The following DOK6 variants were observed in gnomAD, a reference collection of about 807,000 sequenced individuals.
DOK6 encodes the protein docking protein 6, also known as downstream of tyrosine kinase 6.
A neutral mutation model predicts 44.0 loss-of-function variants in DOK6; 22 were observed. The ratio of observed to expected loss-of-function variants is 0.50; its 90% CI spans 0.36 to 0.71. DOK6 has a LOEUF of 0.71. Ranked by LOEUF, DOK6 falls within the 30% of genes least tolerant of loss-of-function variation. The pLI is 0.00. For missense variants in DOK6, 340 were observed against 416.4 expected, an observed-to-expected ratio of 0.82 and a Z score of 1.60; for synonymous variants, 166 against 145.5, an observed-to-expected ratio of 1.14 and a Z score of -1.01.
At chr18:69,452,402 G>A (rs1979496653) in intron 1 of DOK6, among the ~76,000 whole-genome samples, 1 of 137,730 alleles carries the variant, frequency 7.3e-6, no homozygotes, top group South Asian at 2.4e-4. Context: ...AACAGGAGCT[G>A]AAATTGTGGC....
intron 1 of DOK6, among the ~76,000 whole-genome samples, chr18:69,459,106 C>A: frequency 7.2e-6 from 1 of 139,496 alleles, no homozygotes; most frequent in South Asian, 2.5e-4. Context: ...ACAACCCCCC[C>A]CCCAAAAAAA....
At chr18:69,544,014 C>T (rs919680360) in intron 1 of DOK6, among the ~76,000 whole-genome samples, 1 of 150,660 alleles carries the variant, frequency 6.6e-6, no homozygotes, top group Admixed American at 6.6e-5. Flanking sequence ...CATGACAGTT[C>T]TTGCGGGGCT....
At chr18:69,650,224 A>G (rs1345592670) in intron 3 of DOK6, among the ~76,000 whole-genome samples, 2 of 152,120 alleles carry the variant, frequency 1.3e-5, no homozygotes, top group Non-Finnish European at 2.9e-5. Flanking sequence ...GGTTGATTTT[A>G]TGTATTTGTG....
intron 1 of DOK6, among the ~76,000 whole-genome samples, chr18:69,559,639 A>T (rs1223543431): frequency 6.6e-6 from 1 of 152,134 alleles, no homozygotes; most frequent in East Asian, 1.9e-4. Context: ...TTTTAAAAAA[A>T]TATATCTAAA....
intron 1 of DOK6, among the ~76,000 whole-genome samples, chr18:69,406,123 T>G (rs1340906284): frequency 4.6e-5 from 7 of 152,340 alleles, no homozygotes; most frequent in Admixed American, 2.0e-4. Flanking sequence ...ACGCTGTGTG[T>G]AGATTTGCCA....
At chr18:69,580,919 C>T (rs1478166846) in intron 2 of DOK6, among the ~76,000 whole-genome samples, 1 of 152,098 alleles carries the variant, frequency 6.6e-6, no homozygotes, top group Non-Finnish European at 1.5e-5. Context: ...GCAGTGAGAA[C>T]GTGTGGTATT....
intron 1 of DOK6, among the ~76,000 whole-genome samples, chr18:69,473,603 A>G (rs1980177712): frequency 6.6e-6 from 1 of 152,128 alleles, no homozygotes; most frequent in African/African-American, 2.4e-5. Context: ...TGCTCTGGGG[A>G]CAACTAGACC....
At chr18:69,731,570 TAAA>T (rs1455946535) in intron 5 of DOK6, among the ~76,000 whole-genome samples, 4 of 152,180 alleles carry the variant, frequency 2.6e-5, no homozygotes, top group Non-Finnish European at 4.4e-5. Flanking sequence ...TTCACATAAT[TAAA>T]AAATTATCTT....
intron 5 of DOK6, among the ~76,000 whole-genome samples, chr18:69,723,823 CAGGTG>C (rs1319717260): frequency 2.0e-5 from 3 of 152,128 alleles, no homozygotes; most frequent in Non-Finnish European, 4.4e-5. Flanking sequence ...ACTTGGAGGT[CAGGTG>C]ACTTTTCCAA....
intron 2 of DOK6, among the ~76,000 whole-genome samples, chr18:69,583,616 C>G (rs1045144544): frequency 1.3e-5 from 2 of 152,038 alleles, no homozygotes; most frequent in Non-Finnish European, 2.9e-5. Context: ...ATCCCATACA[C>G]GGCAAAGATT....
intron 7 of DOK6, among the ~76,000 whole-genome samples, chr18:69,836,629 T>G (rs750238242): frequency 2.0e-5 from 3 of 152,240 alleles, no homozygotes; most frequent in Admixed American, 6.5e-5. Context: ...TTAACAATTT[T>G]ATTGCTTTTA....
chr18:69,719,005 A>C lies in DOK6; in HGVS notation c.600-19960A>C, dbSNP rs1986944523. Reference sequence around the variant, plus strand: ...TCAATAAGTCTATGATCTTAGAAGAAGAATAGAGCTGAAATTGTTGGAAAA... The same window carrying C: ...TCAATAAGTCTATGATCTTAGAAGACGAATAGAGCTGAAATTGTTGGAAAA... On this transcript the variant is annotated intron_variant, in intron 5 of 7. Transcript: ENST00000382713. 3.9e-5 allele frequency among the ~76,000 whole-genome samples: 6 copies of C among 152,236 alleles called. No individual in the cohort carries two copies. The South Asian group carries it at 1.2e-3, about 31-fold the overall frequency.
At chr18:69,753,340 G>A (rs1568116159) in intron 6 of DOK6, among the ~76,000 whole-genome samples, 1 of 152,090 alleles carries the variant, frequency 6.6e-6, no homozygotes, top group Non-Finnish European at 1.5e-5. Context: ...TCAACTTGAG[G>A]ACAGCATAAC....
At chr18:69,783,849 T>C (rs1372014714) in intron 7 of DOK6, among the ~76,000 whole-genome samples, 1 of 152,188 alleles carries the variant, frequency 6.6e-6, no homozygotes, top group African/African-American at 2.4e-5. Flanking sequence ...GCATTCATGT[T>C]TCTAAATTTA....
intron 1 of DOK6, among the ~76,000 whole-genome samples, chr18:69,416,124 C>T (rs1349775345): frequency 1.1e-4 from 10 of 89,450 alleles, no homozygotes; most frequent in Non-Finnish European, 1.7e-4. Context: ...GAGGGAGGGA[C>T]GGAGGAAGGG....
intron 1 of DOK6, among the ~76,000 whole-genome samples, chr18:69,487,175 ATATGTGTGTGTGTGTGTGTGTGTGTG>A (rs1191002826): frequency 9.8e-6 from 1 of 102,504 alleles, no homozygotes; most frequent in African/African-American, 3.5e-5. Flanking sequence ...CACTGATAGG[ATATGTGTGTGTGTGTGTGTGTGTGTG>A]TGTGTGTGTG....
At chr18:69,608,992 A>AT (rs1220621061) in intron 3 of DOK6, among the ~76,000 whole-genome samples, 35 of 150,114 alleles carry the variant, frequency 2.3e-4, no homozygotes, top group African/African-American at 8.3e-4. Flanking sequence ...TTTATTTAAG[A>AT]TTTTTTCTTA....
intron 1 of DOK6, among the ~76,000 whole-genome samples, chr18:69,528,260 T>A (rs531597462): frequency 6.6e-6 from 1 of 152,276 alleles, no homozygotes; most frequent in Admixed American, 6.5e-5. Context: ...AAGAATGTTC[T>A]TTCCTCCATT....
intron 7 of DOK6, among the ~76,000 whole-genome samples, chr18:69,840,551 C>T (rs1296412748): frequency 6.6e-6 from 1 of 152,202 alleles, no homozygotes; most frequent in Non-Finnish European, 1.5e-5. Flanking sequence ...ATTTCTCATG[C>T]AGGGGTGCAG....
Sources: gnomAD v4.1 joint callset for allele counts (sites outside exome capture counted in the v4.1 genomes callset) on GRCh38, gnomAD v4.1.1 for gene constraint, MANE v1.5 for transcripts, NCBI Gene and HGNC (gene_info 2026-07-23, HGNC 2026-07-21) for gene names.